Variants in ACACA observed in about 807,000 individuals in gnomAD.
ACACA encodes acetyl-CoA carboxylase alpha.
In ACACA, 103 loss-of-function variants were observed where a neutral mutation model predicts 296.1. That is an observed-to-expected ratio of 0.35 (90% CI 0.30 to 0.41). The LOEUF is 0.41. Ranked by LOEUF, ACACA falls within the 10% of genes least tolerant of loss-of-function variation. The pLI is 1.00. For synonymous variants in ACACA, 953 were observed against 1,038.6 expected, an observed-to-expected ratio of 0.92 and a Z score of 1.58; for missense variants, 1,554 against 2,989.7, an observed-to-expected ratio of 0.52 and a Z score of 11.20.
At chr17:37,319,806 G>A (rs564917765) in intron 3 of ACACA, among the ~76,000 whole-genome samples, 41 of 152,150 alleles carry the variant, frequency 2.7e-4, no homozygotes, top group African/African-American at 9.4e-4. Flanking sequence ...CAAAAAATTA[G>A]CTGGGGGTGG....
intron 1 of ACACA, chr17:37,377,953 T>C (rs1397617639): frequency 3.7e-6 from 6 of 1,611,930 alleles, no homozygotes; most frequent in Middle Eastern, 1.7e-4. Flanking sequence ...CATCAGAGAA[T>C]TGCAAATGCA....
chr17:37,155,630 A>G, intron 43 of ACACA, 53 bp downstream of exon 43: 1 of 1,204,640 alleles, frequency 8.3e-7, no homozygotes, highest in South Asian at 1.2e-5. Context: ...AAAAAATACC[A>G]TATTCTCCTT....
intron 1 of ACACA, among the ~76,000 whole-genome samples, chr17:37,359,377 G>T (rs1461815242): frequency 6.6e-6 from 1 of 151,944 alleles, no homozygotes; most frequent in Non-Finnish European, 1.5e-5. Flanking sequence ...TCCGAGCGCG[G>T]ATCTGCCATT....
At chr17:37,262,883 TGACAC>T (rs1567904426) in intron 11 of ACACA, among the ~76,000 whole-genome samples, 32 of 152,082 alleles carry the variant, frequency 2.1e-4, no homozygotes, top group African/African-American at 7.7e-4. Context: ...ACGTGTGCCA[TGACAC>T]TCAGCTAATT....
intron 1 of ACACA, among the ~76,000 whole-genome samples, chr17:37,341,316 A>G (rs1385145787): frequency 3.9e-5 from 6 of 152,214 alleles, no homozygotes; most frequent in East Asian, 1.9e-4. Context: ...TTATGACAGT[A>G]TCCATAGTTT....
At chr17:37,203,635 C>G (rs865788477) in intron 33 of ACACA, among the ~76,000 whole-genome samples, 88 of 152,050 alleles carry the variant, frequency 5.8e-4, no homozygotes, top group African/African-American at 2.0e-3. Flanking sequence ...CCCAGCTACT[C>G]AGGAGTCTGA....
intron 29 of ACACA, 40 bp downstream of exon 29, chr17:37,221,683 AC>A (rs2079299541): frequency 6.8e-7 from 1 of 1,465,206 alleles, no homozygotes; most frequent in Non-Finnish European, 9.6e-7. Context: ...CTCATGGTAT[AC>A]CTCTGGCTGG....
intron 29 of ACACA, 68 bp downstream of exon 29, chr17:37,221,656 C>T (rs2079297649): frequency 8.1e-7 from 1 of 1,240,736 alleles, no homozygotes; most frequent in Non-Finnish European, 1.2e-6. Context: ...TTGTCATACA[C>T]ATTACTCCCC....
intron 1 of ACACA, chr17:37,379,019 C>T: frequency 8.1e-7 from 1 of 1,236,848 alleles, no homozygotes; most frequent in Admixed American, 2.7e-5. Flanking sequence ...CTGGAGTGAG[C>T]CATGATTGCG....
intron 3 of ACACA, among the ~76,000 whole-genome samples, chr17:37,316,838 C>T (rs1198621622): frequency 6.6e-6 from 1 of 152,150 alleles, no homozygotes; most frequent in South Asian, 2.1e-4. Context: ...TTTGGGAGGC[C>T]GAGGAGGGTA....
intron 2 of ACACA, among the ~76,000 whole-genome samples, chr17:37,333,370 A>C (rs1355701624): frequency 6.6e-6 from 1 of 152,136 alleles, no homozygotes; most frequent in African/African-American, 2.4e-5. Flanking sequence ...AAAGGGAAAT[A>C]GAAGGGAACC....
chr17:37,394,459 C>T (rs189581412), intron 1 of ACACA, among the ~76,000 whole-genome samples: 5 of 151,932 alleles, frequency 3.3e-5, no homozygotes, highest in Non-Finnish European at 5.9e-5. Context: ...GATCCACCCG[C>T]GTCGGCCTCA....
intron 48 of ACACA, 68 bp downstream of exon 48, chr17:37,125,630 G>A: frequency 7.7e-7 from 1 of 1,300,534 alleles, no homozygotes. Flanking sequence ...TATCTATAGA[G>A]CCATGGCTCT....
At chr17:37,160,229 T>C (rs1337470346) in intron 42 of ACACA, among the ~76,000 whole-genome samples, 1 of 152,170 alleles carries the variant, frequency 6.6e-6, no homozygotes, top group Non-Finnish European at 1.5e-5. Flanking sequence ...GAAAAAGTGC[T>C]GATGCACAAA....
At position 37,125,824 on chromosome 17, in the gene ACACA, A is replaced by G. The variant is rs1297861309; in HGVS notation, c.5945-30T>C. 5.8e-6 allele frequency: 9 copies of G among 1,563,070 alleles called. No individual in the cohort carries two copies. The East Asian group carries it at 1.3e-4, about 23-fold the overall frequency. On this transcript the variant is annotated intron_variant, in intron 47 of 55. Transcript: ENST00000616317. ...AGAAGGGAAAGAAAGAAAACAGAGA[A>G]TAAGGACAGTGAATCCATTGACAAT...
At chr17:37,202,949 T>G (rs1331001631) in intron 33 of ACACA, among the ~76,000 whole-genome samples, 1 of 148,490 alleles carries the variant, frequency 6.7e-6, no homozygotes, top group East Asian at 2.0e-4. Flanking sequence ...ATGTAGCGAA[T>G]ATGAAGAAAA....
rs758980216 is a variant in ACACA at position 37,149,965 on chromosome 17, G to A, written c.5578C>T (p.Arg1860Trp). The A allele has an allele frequency of 1.4e-5, 22 of 1,613,910 alleles. No homozygotes were observed. Among genetic ancestry groups the A allele is most frequent in the African/African-American group, 5.3e-5 (4 of 74,884 alleles). Reference protein sequence around the residue: ...EIITISLVTCRAIGIGAYLVR... With the variant: ...EIITISLVTCWAIGIGAYLVR... ...AGGTAAGCCCCAATCCCAATGGCCC[G>A]GCACGTCACCTTAGAAAAGAATAAA... The change falls in exon 45 of 56, where the codon CGG becomes TGG. Residue 1860 changes from arginine to tryptophan, a missense_variant. By Grantham distance (101) the Arg-to-Trp change is moderately radical (BLOSUM62 -3). Transcript: ENST00000616317.
At chr17:37,378,438 C>G (rs1424154082) in intron 1 of ACACA, among the ~76,000 whole-genome samples, 1 of 152,218 alleles carries the variant, frequency 6.6e-6, no homozygotes, top group African/African-American at 2.4e-5. Flanking sequence ...TTTGGCCAGG[C>G]ATGGTGGCTC....
chr17:37,287,587 A>C (rs951658776), intron 3 of ACACA, among the ~76,000 whole-genome samples: 3 of 147,384 alleles, frequency 2.0e-5, no homozygotes, highest in Admixed American at 7.0e-5. Flanking sequence ...AAAAAAAAAA[A>C]AAACAAATAT....
Sources: allele counts gnomAD v4.1 joint callset (sites outside exome capture counted in the v4.1 genomes callset), GRCh38; gene constraint gnomAD v4.1.1; transcripts MANE v1.5; gene names NCBI Gene and HGNC (gene_info 2026-07-23, HGNC 2026-07-21).